Variants in KLHL26 observed in about 807,000 individuals in gnomAD.
The protein encoded by KLHL26 is kelch like family member 26, also known as kelch-like protein 26.
In KLHL26, 4 loss-of-function variants were observed where a neutral mutation model predicts 7.1. The observed-to-expected ratio is 0.56, with a 90% CI of 0.28 to 1.28. The LOEUF is 1.28. KLHL26 is among the 50% of genes most tolerant of loss of function. The pLI is 0.11. For synonymous variants in KLHL26, 465 were observed against 414.1 expected, an observed-to-expected ratio of 1.12 and a Z score of -1.49; for missense variants, 896 against 924.6, an observed-to-expected ratio of 0.97 and a Z score of 0.40.
At position 18,650,107 on chromosome 19, in the gene KLHL26, G is replaced by GCTTGTAAA. The variant is rs1568456850; in HGVS notation, c.83+12970_83+12971insCTTGTAAA. Among the ~76,000 whole-genome samples the GCTTGTAAA allele has an allele frequency of 1.3e-5, 2 of 152,232 alleles. No homozygotes were observed. Among genetic ancestry groups the GCTTGTAAA allele is most frequent in the African/African-American group, 4.8e-5 (2 of 41,456 alleles). ...CTTCAGGCTTGTAAAGGCCTGGAGG[G>GCTTGTAAA]GGGTCACCCGAGGATCGAGGCCGAA... On this transcript the variant is annotated intron_variant, in intron 1 of 2. Transcript: ENST00000300976. This position sits in a 1 kb window ranked among gnomAD's most constrained non-coding sequence, Gnocchi z 4.2.
intron 1 of KLHL26, among the ~76,000 whole-genome samples, chr19:18,639,050 CATACA>C (rs1191293066): frequency 6.6e-6 from 1 of 151,882 alleles, no homozygotes; most frequent in Non-Finnish European, 1.5e-5. Flanking sequence ...AATTGCATGG[CATACA>C]ATTCACTCAT....
rs1472346103 is a variant in KLHL26, at chr19:18,671,112, G to A, written c.*1867G>A. ...CAGAGCAGGCCACTTATCAGTTGCAGGTTAGCAGAGAAAGCCTGATGTTCC... is the reference window on the plus strand; with the variant it reads ...CAGAGCAGGCCACTTATCAGTTGCAAGTTAGCAGAGAAAGCCTGATGTTCC... On this transcript the variant is annotated 3_prime_UTR_variant, in exon 3 of 3. Coordinates refer to ENST00000300976, the MANE Select transcript of KLHL26 (RefSeq NM_018316.3). 6.6e-6 allele frequency: 1 copy of A among 152,230 alleles called. No homozygotes were observed. Among genetic ancestry groups the A allele is most frequent in the Admixed American group, 6.5e-5 (1 of 15,272 alleles). 9.4% of individuals were successfully genotyped at this position (152,230 alleles called of 1,614,324 possible).
rs2052524449 is a variant in KLHL26 at position 18,671,504 on chromosome 19, T to A, written c.*2259T>A. 1 of 152,204 alleles carries A rather than the reference T, an allele frequency of 6.6e-6. No individual in the cohort carries two copies. Among genetic ancestry groups the A allele is most frequent in the Non-Finnish European group, 1.5e-5 (1 of 68,098 alleles). The allele number at this position is 152,204 out of a possible 1,614,324, so 9.4% of individuals were successfully genotyped here. On this transcript the variant is annotated 3_prime_UTR_variant, in exon 3 of 3. Transcript: ENST00000300976. ...GGATCAGCTCACACCTCAGAACATC[T>A]TGTCCCCAGTGAGCTGGCAGGGGCG... is the stretch of plus-strand genomic sequence containing the variant.
rs543141975 is a variant in KLHL26 at position 18,669,332 on chromosome 19, GC to G, written c.*93del. The G allele has an allele frequency of 6.7e-6, 7 of 1,050,068 alleles. 1 individual carries two copies. In the South Asian group the frequency reaches 7.3e-5, roughly 11 times the overall value. The allele number at this position is 1,050,068 out of a possible 1,614,324, so 65.0% of individuals were successfully genotyped here. A position where few individuals can be genotyped will look rare whatever the true frequency, so the allele number is the denominator to read the frequency against. On this transcript the variant is annotated 3_prime_UTR_variant, in exon 3 of 3. Coordinates refer to ENST00000300976, the MANE Select transcript of KLHL26 (RefSeq NM_018316.3). ...TGCACGTCTGCCTGAGAACCCCAGTGCCCCCCTTCGCCCGGGCTGCCCTTGA... is the reference window on the plus strand; with the variant it reads ...TGCACGTCTGCCTGAGAACCCCAGTGCCCCCTTCGCCCGGGCTGCCCTTGA...
intron 1 of KLHL26, among the ~76,000 whole-genome samples, chr19:18,642,485 C>T (rs1402957447): frequency 2.0e-5 from 3 of 152,018 alleles, no homozygotes; most frequent in African/African-American, 4.8e-5. Flanking sequence ...TTACCTCAGC[C>T]TCCCGAGTAG....
chr19:18,637,801 T>G (rs1343633787), intron 1 of KLHL26, among the ~76,000 whole-genome samples: 7 of 151,942 alleles, frequency 4.6e-5, no homozygotes, highest in Non-Finnish European at 8.8e-5. Flanking sequence ...CTCCCTTCCA[T>G]CCCCATGGGG....
chr19:18,665,143 G>A (rs934544891), intron 2 of KLHL26, among the ~76,000 whole-genome samples: 3 of 151,158 alleles, frequency 2.0e-5, no homozygotes, highest in Admixed American at 6.6e-5. Context: ...TGCAACCTCC[G>A]CCTCCCGGGT....
At chr19:18,659,204 C>T (rs1345211812) in intron 1 of KLHL26, among the ~76,000 whole-genome samples, 1 of 152,212 alleles carries the variant, frequency 6.6e-6, no homozygotes, top group African/African-American at 2.4e-5. Flanking sequence ...CTCTGTTTCC[C>T]TCTCTTGCTG....
chr19:18,661,904 C>T (rs966297833), intron 1 of KLHL26, among the ~76,000 whole-genome samples: 4 of 151,972 alleles, frequency 2.6e-5, no homozygotes, highest in Admixed American at 6.6e-5. Context: ...GTGCATCTTT[C>T]GATCTCACTC....
At position 18,668,779 on chromosome 19, in the gene KLHL26, G is replaced by A. The variant is rs1489406952; in HGVS notation, c.1382G>A (p.Arg461His). 1.9e-6 allele frequency: 3 copies of A among 1,595,248 alleles called. No individual in the cohort carries two copies. Among genetic ancestry groups the A allele is most frequent in the South Asian group, 1.1e-5 (1 of 90,356 alleles). ...WGHAGAASGGRLYISGGYGIS... is the reference protein window; with the variant it reads ...WGHAGAASGGHLYISGGYGIS... ...CATGCTGGGGCCGCCTCAGGGGGCCGCCTCTACATCTCGGGTGGCTACGGG... is the reference window on the plus strand; with the variant it reads ...CATGCTGGGGCCGCCTCAGGGGGCCACCTCTACATCTCGGGTGGCTACGGG... Residue 461 changes from arginine (R) to histidine (H), a missense_variant, in exon 3 of 3, where the codon CGC (arginine) becomes CAC (histidine). Coordinates refer to ENST00000300976, the MANE Select transcript of KLHL26 (RefSeq NM_018316.3).
rs947883654 is a variant in KLHL26, at chr19:18,649,121, C to T, written c.83+11984C>T. ...TTGCACGGCTCAAGTGTTGTCTCCT[C>T]GGGGCCTGGCCACTGTGTCCACCGT... On this transcript the variant is annotated intron_variant, in intron 1 of 2. Transcript: ENST00000300976. The surrounding 1 kb of genome is among the most constrained non-coding windows in gnomAD (Gnocchi z 4.0). Among the ~76,000 whole-genome samples, 6 of 152,192 alleles carry T rather than the reference C, an allele frequency of 3.9e-5. No homozygotes were observed. The highest frequency in any genetic ancestry group is 1.2e-4 in the African/African-American group (5 of 41,456).
At chr19:18,644,725 G>C (rs1288135059) in intron 1 of KLHL26, 1 of 152,344 alleles carries the variant, frequency 6.6e-6, no homozygotes, top group Non-Finnish European at 1.5e-5. Context: ...GAGGCTTGTG[G>C]GGCTGCTGGG....
At chr19:18,667,390 C>CTT (rs1254077978) in intron 2 of KLHL26, 4 of 535,320 alleles carry the variant, frequency 7.5e-6, no homozygotes, top group Non-Finnish European at 1.3e-5. Flanking sequence ...GAGTCTCACT[C>CTT]TGTCACCCAG....
Position 18,667,901 on chromosome 19 carries a change from C to T in KLHL26, c.504C>T (p.Ile168=), listed in dbSNP as rs769457986. Residue 168 remains isoleucine, a synonymous_variant, in exon 3 of 3, where the codon ATC becomes ATT. Coordinates refer to ENST00000300976, the MANE Select transcript of KLHL26 (RefSeq NM_018316.3). Reference sequence around the variant, plus strand: ...TGAGCGTGGAGACCTGCCTCAACATCGGCCAGATGGCCACCACCTTCAGCC... The same window carrying T: ...TGAGCGTGGAGACCTGCCTCAACATTGGCCAGATGGCCACCACCTTCAGCC... The part of the protein sequence containing the change: ...AAMSVETCLN[I]GQMATTFSLA... The T allele has an allele frequency of 2.2e-5, 36 of 1,612,298 alleles. No homozygotes were observed. The highest frequency in any genetic ancestry group is 2.7e-5 in the Non-Finnish European group (32 of 1,180,010).
At chr19:18,663,476 C>T (rs2052412223) in intron 1 of KLHL26, among the ~76,000 whole-genome samples, 1 of 152,160 alleles carries the variant, frequency 6.6e-6, no homozygotes, top group African/African-American at 2.4e-5. Flanking sequence ...CTTCCGTCTC[C>T]TCCCGCTTTC....
chr19:18,643,770 G>A (rs1019681643), intron 1 of KLHL26, among the ~76,000 whole-genome samples: 6 of 151,982 alleles, frequency 3.9e-5, no homozygotes, highest in African/African-American at 1.5e-4. Flanking sequence ...GAGCCACTGT[G>A]TCCGGCCAAG....
rs2052240960 is a variant in KLHL26, at chr19:18,650,545, C to A, written c.83+13408C>A. On this transcript the variant is annotated intron_variant, in intron 1 of 2. Coordinates refer to ENST00000300976, the MANE Select transcript of KLHL26 (RefSeq NM_018316.3). This position sits in a 1 kb window ranked among gnomAD's most constrained non-coding sequence, Gnocchi z 4.2. ...CTAGGTCTCTCCTCTGGCTCCCCCT[C>A]CTCGGGTCCTCGTGGCTCTCTGTCG... 6.6e-6 allele frequency among the ~76,000 whole-genome samples: 1 copy of A among 152,232 alleles called. No individual in the cohort carries two copies. The highest frequency in any genetic ancestry group is 2.4e-5 in the African/African-American group (1 of 41,460).
chr19:18,666,490 A>T (rs1381368174), intron 2 of KLHL26, among the ~76,000 whole-genome samples: 2 of 152,028 alleles, frequency 1.3e-5, no homozygotes, highest in African/African-American at 4.8e-5. Context: ...TCTGCTGGGG[A>T]ACACCCTAAA....
intron 1 of KLHL26, chr19:18,659,777 C>G (rs970191484): frequency 2.0e-5 from 3 of 152,268 alleles, no homozygotes; most frequent in Non-Finnish European, 4.4e-5. Flanking sequence ...GGGCGCCTGC[C>G]CTGACAGGTG....
Sources: allele counts gnomAD v4.1 joint callset (sites outside exome capture counted in the v4.1 genomes callset), GRCh38; gene constraint gnomAD v4.1.1; non-coding constraint Gnocchi (gnomAD v3.1); transcripts MANE v1.5; gene names NCBI Gene and HGNC (gene_info 2026-07-23, HGNC 2026-07-21).